Variants in BCKDHB observed in about 807,000 individuals in gnomAD.
The protein encoded by BCKDHB is branched chain keto acid dehydrogenase E1 subunit beta, also known as 2-oxoisovalerate dehydrogenase subunit beta, mitochondrial.
In BCKDHB, 41 loss-of-function variants were observed where a neutral mutation model predicts 48.5. The ratio of observed to expected loss-of-function variants is 0.85; its 90% CI spans 0.66 to 1.10. The LOEUF (loss-of-function observed/expected upper bound fraction) is 1.10. Among genes scored for constraint, BCKDHB ranks in the 50% least tolerant of loss-of-function variants. BCKDHB has a pLI of 0.00. For synonymous variants in BCKDHB, 201 were observed against 174.8 expected (o/e 1.15, Z -1.18); for missense variants, 496 against 494.2 (o/e 1.00, Z -0.03).
intron 1 of BCKDHB, among the ~76,000 whole-genome samples, chr6:80,113,876 T>G (rs1769544670): frequency 6.6e-6 from 1 of 152,228 alleles, no homozygotes; most frequent in Admixed American, 6.5e-5. Flanking sequence ...GTTACAAATT[T>G]ACACCCTATG....
intron 3 of BCKDHB, among the ~76,000 whole-genome samples, chr6:80,162,833 G>C (rs1253756030): frequency 6.6e-6 from 1 of 152,120 alleles, no homozygotes; most frequent in East Asian, 1.9e-4. Context: ...CCGGGTGACA[G>C]AGCGAGACTA....
chr6:80,465,043 T>C, the BCKDHB span, among the ~76,000 whole-genome samples: 2 of 152,208 alleles, frequency 1.3e-5, no homozygotes, highest in Non-Finnish European at 2.9e-5. Context: ...TGCCTCTCTT[T>C]GGCCAAGATA....
At chr6:80,141,208 G>A (rs919285000) in intron 3 of BCKDHB, among the ~76,000 whole-genome samples, 1 of 151,342 alleles carries the variant, frequency 6.6e-6, no homozygotes, top group African/African-American at 2.4e-5. Flanking sequence ...TTCTTTATTA[G>A]TCTTGCTAGC....
chr6:80,289,931 C>G (rs1766826672), intron 9 of BCKDHB, among the ~76,000 whole-genome samples: 1 of 152,316 alleles, frequency 6.6e-6, no homozygotes, highest in Admixed American at 6.5e-5. Context: ...ACCAGCTTCC[C>G]TGTGGGACTA....
chr6:80,352,064 G>C, the BCKDHB span, among the ~76,000 whole-genome samples: 17 of 151,814 alleles, frequency 1.1e-4, no homozygotes, highest in Non-Finnish European at 2.4e-4. Context: ...CAGGTGATCT[G>C]CCCGCCTCGG....
At chr6:80,149,548 A>G (rs1442004546) in intron 3 of BCKDHB, among the ~76,000 whole-genome samples, 1 of 151,810 alleles carries the variant, frequency 6.6e-6, no homozygotes, top group Non-Finnish European at 1.5e-5. Context: ...ATGCAGCACT[A>G]TTCACAATAG....
the BCKDHB span, among the ~76,000 whole-genome samples, chr6:80,375,749 A>G: frequency 2.0e-5 from 3 of 151,834 alleles, no homozygotes; most frequent in Non-Finnish European, 4.4e-5. Flanking sequence ...TGCCTGAATT[A>G]TTTTTCTGGT....
At chr6:80,441,968 C>T in the BCKDHB span, among the ~76,000 whole-genome samples, 4 of 151,948 alleles carry the variant, frequency 2.6e-5, no homozygotes, top group East Asian at 1.9e-4. Context: ...ACAAATATAG[C>T]GTGCAATAAG....
chr6:80,418,630 C>T, the BCKDHB span, among the ~76,000 whole-genome samples: 5,240 of 152,276 alleles, frequency 0.034, 316 homozygotes, highest in African/African-American at 0.12. Flanking sequence ...CCTTTCTTTT[C>T]TGGCTCCTTG....
chr6:80,403,337 A>G, the BCKDHB span, among the ~76,000 whole-genome samples: 111,305 of 151,804 alleles, frequency 0.73, 47,028 homozygotes, highest in East Asian at 0.95. Context: ...ATACCTAAGT[A>G]TTTTTATACC....
At chr6:80,162,419 CTT>C (rs1447114082) in intron 3 of BCKDHB, among the ~76,000 whole-genome samples, 1 of 152,186 alleles carries the variant, frequency 6.6e-6, no homozygotes, top group Non-Finnish European at 1.5e-5. Context: ...CCCTTCTTCT[CTT>C]GTCACCTTTT....
At chr6:80,423,765 T>C in the BCKDHB span, among the ~76,000 whole-genome samples, 1 of 152,248 alleles carries the variant, frequency 6.6e-6, no homozygotes, top group Non-Finnish European at 1.5e-5. Flanking sequence ...AATTATATTA[T>C]AGTGATGCAT....
At chr6:80,274,652 T>C (rs1468930952) in intron 9 of BCKDHB, among the ~76,000 whole-genome samples, 2 of 152,072 alleles carry the variant, frequency 1.3e-5, no homozygotes, top group South Asian at 2.1e-4. Flanking sequence ...TTCAATTGCA[T>C]ATAATTAAAA....
chr6:80,461,251 A>G, the BCKDHB span, among the ~76,000 whole-genome samples: 1 of 152,094 alleles, frequency 6.6e-6, no homozygotes, highest in African/African-American at 2.4e-5. Context: ...TCCTGTTTCC[A>G]TAAATGCTAC....
rs755673921 is a variant in BCKDHB at position 80,106,767 on chromosome 6, G to C, written c.74G>C (p.Arg25Pro). 1 of 1,584,540 alleles carries C rather than the reference G, an allele frequency of 6.3e-7. No individual in the cohort carries two copies. Among genetic ancestry groups the C allele is most frequent in the East Asian group, 2.3e-5 (1 of 43,062 alleles). The change falls in exon 1 of 10, where the codon CGG (arginine) becomes CCG (proline). Residue 25 changes from arginine to proline, a missense_variant. Coordinates refer to ENST00000320393, the MANE Select transcript of BCKDHB (RefSeq NM_183050.4). ...GCAGGGGCTGAGGGGCACTGGCGTCGGCTTCCTGGCGCGGGGCTGGCGCGG... is the reference window on the plus strand; with the variant it reads ...GCAGGGGCTGAGGGGCACTGGCGTCCGCTTCCTGGCGCGGGGCTGGCGCGG... The part of the protein sequence containing the change: ...RAAGAEGHWR[R>P]LPGAGLARGF...
chr6:80,170,639 C>A (rs186245210), intron 5 of BCKDHB, among the ~76,000 whole-genome samples: 1 of 152,166 alleles, frequency 6.6e-6, no homozygotes, highest in Non-Finnish European at 1.5e-5. Context: ...CAAGTTTACA[C>A]GTGTACTTCC....
intron 8 of BCKDHB, among the ~76,000 whole-genome samples, chr6:80,247,999 A>G (rs1182393945): frequency 6.6e-6 from 1 of 152,234 alleles, no homozygotes; most frequent in African/African-American, 2.4e-5. Flanking sequence ...CTTGCCTCAG[A>G]GTTTTTGAAA....
chr6:80,341,976 G>T (rs1310892316), intron 9 of BCKDHB, among the ~76,000 whole-genome samples: 1 of 152,188 alleles, frequency 6.6e-6, no homozygotes, highest in Non-Finnish European at 1.5e-5. Flanking sequence ...TGTATTAAAA[G>T]TCCTAAAGTT....
the BCKDHB span, among the ~76,000 whole-genome samples, chr6:80,403,215 T>G: frequency 6.6e-6 from 1 of 151,926 alleles, no homozygotes; most frequent in African/African-American, 2.4e-5. Context: ...ACAATATCAA[T>G]TCTTCCAATC....
Sources: allele counts gnomAD v4.1 joint callset (sites outside exome capture counted in the v4.1 genomes callset), GRCh38; gene constraint gnomAD v4.1.1; transcripts MANE v1.5; gene names NCBI Gene and HGNC (gene_info 2026-07-23, HGNC 2026-07-21).